Variants in FOXO1 observed in about 807,000 individuals in gnomAD.
FOXO1 encodes the protein forkhead box protein O1.
A neutral mutation model predicts 44.1 loss-of-function variants in FOXO1; 6 were observed. That is an observed-to-expected ratio of 0.14 (90% CI 0.07 to 0.27). The LOEUF (loss-of-function observed/expected upper bound fraction) is 0.27. Ranked by LOEUF, FOXO1 falls within the 10% of genes least tolerant of loss-of-function variation. The probability of loss-of-function intolerance (pLI) is 1.00; values close to 1 mark genes in which losing one functional copy is unlikely to be tolerated. For synonymous variants in FOXO1, 380 were observed against 362.7 expected, an observed-to-expected ratio of 1.05 and a Z score of -0.54; for missense variants, 737 against 888.8, an observed-to-expected ratio of 0.83 and a Z score of 2.17.
At chr13:40,640,603 AG>A (rs1877314844) in intron 1 of FOXO1, among the ~76,000 whole-genome samples, 1 of 152,200 alleles carries the variant, frequency 6.6e-6, no homozygotes, top group Non-Finnish European at 1.5e-5. Context: ...CCTAATGGGA[AG>A]GACTGACCTG....
At chr13:40,610,111 C>A (rs1010512574) in intron 1 of FOXO1, among the ~76,000 whole-genome samples, 4 of 152,056 alleles carry the variant, frequency 2.6e-5, no homozygotes, top group Admixed American at 2.6e-4. Context: ...ATGTACCCTG[C>A]GACACTGAGG....
chr13:40,630,315 T>C (rs1876919677), intron 1 of FOXO1, among the ~76,000 whole-genome samples: 1 of 152,122 alleles, frequency 6.6e-6, no homozygotes, highest in African/African-American at 2.4e-5. Flanking sequence ...CTGTTTGCTT[T>C]TGTTCTTCTT....
intron 1 of FOXO1, among the ~76,000 whole-genome samples, chr13:40,647,625 C>T (rs1467967717): frequency 6.6e-6 from 1 of 152,112 alleles, no homozygotes; most frequent in Non-Finnish European, 1.5e-5. Flanking sequence ...GGCTGCACTC[C>T]AACTCCTGAG....
At chr13:40,564,960 G>A (rs763664499) in intron 1 of FOXO1, among the ~76,000 whole-genome samples, 3 of 150,666 alleles carry the variant, frequency 2.0e-5, no homozygotes, top group Admixed American at 6.6e-5. Context: ...GGGGAACCCC[G>A]ACATGGTGTA....
chr13:40,601,709 G>A (rs1875820455), intron 1 of FOXO1, among the ~76,000 whole-genome samples: 1 of 152,020 alleles, frequency 6.6e-6, no homozygotes, highest in Non-Finnish European at 1.5e-5. Context: ...TTTTAGACAC[G>A]TTTCTAAAAG....
intron 1 of FOXO1, among the ~76,000 whole-genome samples, chr13:40,611,344 T>C (rs1261795013): frequency 6.6e-6 from 1 of 152,146 alleles, no homozygotes; most frequent in East Asian, 1.9e-4. Context: ...ATAAACAAAC[T>C]TAAGACAGCA....
At position 40,620,074 on chromosome 13, in the gene FOXO1, A is replaced by G. The variant is rs1279680913; in HGVS notation, c.630+45509T>C. On this transcript the variant is annotated intron_variant, in intron 1 of 2. Transcript: ENST00000379561. ...TAGAAGATCTGTCAGGAGGAGAGGT[A>G]TAACTCAAGTCTTTTTAGAGCAAGA... is the stretch of plus-strand genomic sequence containing the variant. 2.0e-5 allele frequency: 19 copies of G among 963,904 alleles called. No individual in the cohort carries two copies. In the Admixed American group the frequency reaches 3.6e-4, roughly 18 times the overall value. 59.7% of individuals were successfully genotyped at this position (963,904 alleles called of 1,614,324 possible). A position where few individuals can be genotyped will look rare whatever the true frequency, so the allele number is the denominator to read the frequency against.
intron 1 of FOXO1, among the ~76,000 whole-genome samples, chr13:40,649,039 G>A (rs376419871): frequency 6.6e-6 from 1 of 152,164 alleles, no homozygotes; most frequent in Admixed American, 6.5e-5. Flanking sequence ...GAGCAGGGAC[G>A]TCCCCTGGAG....
intron 1 of FOXO1, among the ~76,000 whole-genome samples, chr13:40,599,834 G>C (rs1027917715): frequency 1.2e-4 from 19 of 152,176 alleles, no homozygotes; most frequent in African/African-American, 4.3e-4. Flanking sequence ...CAAAGTAGCA[G>C]AGTGTCTGAA....
intron 1 of FOXO1, among the ~76,000 whole-genome samples, chr13:40,575,896 G>A (rs1311739591): frequency 6.6e-6 from 1 of 152,192 alleles, no homozygotes; most frequent in East Asian, 1.9e-4. Flanking sequence ...TAGATAAAAC[G>A]GGATGGGAAT....
At chr13:40,625,582 C>A (rs1876760483) in intron 1 of FOXO1, among the ~76,000 whole-genome samples, 1 of 151,274 alleles carries the variant, frequency 6.6e-6, no homozygotes, top group Non-Finnish European at 1.5e-5. Context: ...GACTCAATTA[C>A]AAAGAGAGTC....
In FOXO1 at chr13:40,604,066, C is replaced by T. The variant is rs115466305; in HGVS notation, c.631-43206G>A. ...ATGGTGTCGCCACAGAAATTTATCC[C>T]GAACAATTATGTGCCAAAATGGGGC... On this transcript the variant is annotated intron_variant, in intron 1 of 2. Transcript: ENST00000379561. 1.4e-3 allele frequency among the ~76,000 whole-genome samples: 216 copies of T among 152,106 alleles called. 1 individual carries two copies. The highest frequency in any genetic ancestry group is 4.9e-3 in the African/African-American group (204 of 41,490).
At chr13:40,652,569 G>A (rs752986196) in intron 1 of FOXO1, among the ~76,000 whole-genome samples, 9 of 152,134 alleles carry the variant, frequency 5.9e-5, no homozygotes, top group Non-Finnish European at 1.2e-4. Context: ...AAACCTCACA[G>A]CTCATGAAGG....
chr13:40,585,625 T>C (rs1027187210), intron 1 of FOXO1, among the ~76,000 whole-genome samples: 1 of 152,252 alleles, frequency 6.6e-6, no homozygotes, highest in Non-Finnish European at 1.5e-5. Flanking sequence ...ACATGAAAAG[T>C]GGAATGCGCT....
chr13:40,634,420 C>G (rs986455132), intron 1 of FOXO1, among the ~76,000 whole-genome samples: 1 of 152,088 alleles, frequency 6.6e-6, no homozygotes, highest in Non-Finnish European at 1.5e-5. Flanking sequence ...AAACACAAAC[C>G]TAAGAAGCTG....
At chr13:40,614,722 AAGTC>A (rs1388577190) in intron 1 of FOXO1, among the ~76,000 whole-genome samples, 1 of 152,216 alleles carries the variant, frequency 6.6e-6, no homozygotes, top group Non-Finnish European at 1.5e-5. Flanking sequence ...GTGAACCAGA[AAGTC>A]AGGGCTAAAA....
At chr13:40,651,860 C>T (rs1025338518) in intron 1 of FOXO1, among the ~76,000 whole-genome samples, 7 of 152,042 alleles carry the variant, frequency 4.6e-5, no homozygotes, top group Admixed American at 2.0e-4. Context: ...TCAAATTCAA[C>T]GTATGTAAAT....
intron 1 of FOXO1, among the ~76,000 whole-genome samples, chr13:40,577,807 AAC>A (rs1233108133): frequency 6.9e-6 from 1 of 145,686 alleles, no homozygotes; most frequent in Non-Finnish European, 1.6e-5. Flanking sequence ...AACAGAATGA[AAC>A]AGAATGAACA....
intron 1 of FOXO1, among the ~76,000 whole-genome samples, chr13:40,665,239 G>C (rs1451851782): frequency 6.6e-6 from 1 of 152,062 alleles, no homozygotes; most frequent in Non-Finnish European, 1.5e-5. Flanking sequence ...CGAAGCAGTC[G>C]GCGCGGGCCG....
Sources: gnomAD v4.1 joint callset for allele counts (sites outside exome capture counted in the v4.1 genomes callset) on GRCh38, gnomAD v4.1.1 for gene constraint, MANE v1.5 for transcripts, NCBI Gene and HGNC (gene_info 2026-07-23, HGNC 2026-07-21) for gene names.